The following NOVA1 variants were observed in gnomAD, a reference collection of about 807,000 sequenced individuals.
NOVA1 encodes RNA-binding protein Nova-1.
NOVA1 carries 7 observed loss-of-function variants against 38.0 expected under a neutral mutation model. That is an observed-to-expected ratio of 0.18 (90% confidence interval 0.10 to 0.35). The LOEUF is 0.35. NOVA1 is among the 10% of genes least tolerant of loss of function. The pLI, the probability that NOVA1 is intolerant of heterozygous loss-of-function variation, is 1.00. For synonymous variants in NOVA1, 270 were observed against 232.5 expected, an observed-to-expected ratio of 1.16 and a Z score of -1.47; for missense variants, 460 against 616.0, an observed-to-expected ratio of 0.75 and a Z score of 2.68.
intron 4 of NOVA1, among the ~76,000 whole-genome samples, chr14:26,462,199 A>G (rs893692393): frequency 3.3e-5 from 5 of 152,168 alleles, no homozygotes; most frequent in South Asian, 2.1e-4. Context: ...CCTTTGTATA[A>G]TAACCCTTCA....
At chr14:26,494,088 T>C (rs907055401) in intron 2 of NOVA1, among the ~76,000 whole-genome samples, 5 of 152,232 alleles carry the variant, frequency 3.3e-5, no homozygotes, top group Admixed American at 2.6e-4. Flanking sequence ...ACTCTTATCC[T>C]CATAGTAATC....
At chr14:26,483,047 T>G (rs1279629967) in intron 2 of NOVA1, among the ~76,000 whole-genome samples, 2 of 152,090 alleles carry the variant, frequency 1.3e-5, no homozygotes, top group Non-Finnish European at 2.9e-5. Context: ...TCACAAAAAG[T>G]ATAATAAGAA....
intron 2 of NOVA1, among the ~76,000 whole-genome samples, chr14:26,524,107 G>A (rs1889126675): frequency 6.6e-6 from 1 of 152,196 alleles, no homozygotes; most frequent in East Asian, 1.9e-4. Context: ...ATCAGGCAGT[G>A]GTAAGATTTG....
rs978459183 is a variant in NOVA1 at position 26,444,075 on chromosome 14, C to G, written c.*3884G>C. The G allele has an allele frequency of 6.6e-6, 1 of 151,882 alleles. No homozygotes were observed. The highest frequency in any genetic ancestry group is 1.9e-4 in the East Asian group (1 of 5,154). 9.4% of individuals were successfully genotyped at this position (151,882 alleles called of 1,614,324 possible). ...TGAGGAATCAGCATATAAATCAAGA[C>G]TGAAATATAAGAATGGATTAAAAGG... On this transcript the variant is annotated 3_prime_UTR_variant, in exon 5 of 5. Coordinates refer to ENST00000539517, the MANE Select transcript of NOVA1 (RefSeq NM_002515.3).
chr14:26,589,710 T>C (rs1893730694), intron 2 of NOVA1, among the ~76,000 whole-genome samples: 1 of 151,844 alleles, frequency 6.6e-6, no homozygotes, highest in Non-Finnish European at 1.5e-5. Flanking sequence ...GGTGGCATAG[T>C]GAAATGTAAA....
At chr14:26,555,698 T>C (rs976914225) in intron 2 of NOVA1, among the ~76,000 whole-genome samples, 1 of 152,116 alleles carries the variant, frequency 6.6e-6, no homozygotes, top group Non-Finnish European at 1.5e-5. Context: ...TAGTTAATAA[T>C]ATCAACCTAC....
intron 2 of NOVA1, among the ~76,000 whole-genome samples, chr14:26,520,548 T>A (rs1219836527): frequency 6.6e-6 from 1 of 152,098 alleles, no homozygotes; most frequent in Non-Finnish European, 1.5e-5. Flanking sequence ...ACTAATAAAC[T>A]GAAAAGGACA....
intron 2 of NOVA1, among the ~76,000 whole-genome samples, chr14:26,494,819 A>G (rs1263410677): frequency 6.6e-6 from 1 of 152,152 alleles, no homozygotes; most frequent in South Asian, 2.1e-4. Flanking sequence ...ATTACTGTCC[A>G]TCTTGGTTCA....
chr14:26,566,080 T>G (rs1892120167), intron 2 of NOVA1, among the ~76,000 whole-genome samples: 1 of 152,094 alleles, frequency 6.6e-6, no homozygotes, highest in East Asian at 1.9e-4. Flanking sequence ...TCAGAGTCGT[T>G]GTAAAATAAA....
intron 2 of NOVA1, among the ~76,000 whole-genome samples, chr14:26,524,003 G>A (rs1199567438): frequency 6.6e-6 from 1 of 151,980 alleles, no homozygotes; most frequent in African/African-American, 2.4e-5. Context: ...TGCCCGCCTT[G>A]GCCTCCCAAA....
At chr14:26,540,269 T>G (rs1172763620) in intron 2 of NOVA1, among the ~76,000 whole-genome samples, 1 of 152,108 alleles carries the variant, frequency 6.6e-6, no homozygotes, top group Non-Finnish European at 1.5e-5. Flanking sequence ...CATTAGATTC[T>G]CACAGGAGTG....
intron 4 of NOVA1, among the ~76,000 whole-genome samples, chr14:26,463,565 C>T (rs552596786): frequency 1.3e-5 from 2 of 152,158 alleles, no homozygotes; most frequent in African/African-American, 2.4e-5. Flanking sequence ...TTTGTATAGC[C>T]GTGATACGAA....
chr14:26,554,346 T>C (rs1052044542), intron 2 of NOVA1, among the ~76,000 whole-genome samples: 4 of 151,462 alleles, frequency 2.6e-5, no homozygotes, highest in African/African-American at 7.3e-5. Context: ...GAAATAGGTA[T>C]ATGAGAAAAA....
chr14:26,479,422 A>G (rs1441888539), intron 3 of NOVA1: 1 of 152,118 alleles, frequency 6.6e-6, no homozygotes, highest in Non-Finnish European at 1.5e-5. Flanking sequence ...CCTTTATGAC[A>G]TATGTTTAAA....
chr14:26,574,023 CTTTTTTTTTTT>C, intron 2 of NOVA1, among the ~76,000 whole-genome samples: 1 of 121,056 alleles, frequency 8.3e-6, no homozygotes, highest in East Asian at 2.5e-4. Context: ...AAAGATTACA[CTTTTTTTTTTT>C]TTTTTTTTTG....
At chr14:26,554,929 T>C (rs1891389906) in intron 2 of NOVA1, among the ~76,000 whole-genome samples, 9 of 152,136 alleles carry the variant, frequency 5.9e-5, no homozygotes, top group Admixed American at 5.9e-4. Context: ...TTGTAAACAG[T>C]AATATTAAGC....
intron 4 of NOVA1, among the ~76,000 whole-genome samples, chr14:26,468,425 C>T (rs556882895): frequency 6.6e-6 from 1 of 152,202 alleles, no homozygotes; most frequent in Non-Finnish European, 1.5e-5. Flanking sequence ...CTGATTGCAG[C>T]CCTGTGAGGT....
chr14:26,583,634 TATC>T (rs1298127678), intron 2 of NOVA1, among the ~76,000 whole-genome samples: 1 of 151,284 alleles, frequency 6.6e-6, no homozygotes, highest in Non-Finnish European at 1.5e-5. Context: ...GAAAAAACAG[TATC>T]ATATTTTTCA....
intron 2 of NOVA1, among the ~76,000 whole-genome samples, chr14:26,527,330 A>T (rs1889378597): frequency 6.6e-6 from 1 of 152,056 alleles, no homozygotes; most frequent in African/African-American, 2.4e-5. Context: ...TTTCTTGTTC[A>T]TGATTCATGT....
Sources: gnomAD v4.1 joint callset for allele counts (sites outside exome capture counted in the v4.1 genomes callset) on GRCh38, gnomAD v4.1.1 for gene constraint, MANE v1.5 for transcripts, NCBI Gene and HGNC (gene_info 2026-07-23, HGNC 2026-07-21) for gene names.